Variants in DCST1 observed in about 807,000 individuals in gnomAD.
The protein encoded by DCST1 is E3 ubiquitin-protein ligase DCST1.
Under a neutral mutation model 89.1 loss-of-function variants are expected in DCST1, and 78 were observed. The ratio of observed to expected loss-of-function variants is 0.88; its 90% CI spans 0.73 to 1.06. DCST1 has a LOEUF of 1.06. Among genes scored for constraint, DCST1 ranks in the 50% least tolerant of loss-of-function variants. The pLI is 0.00. For missense variants in DCST1, 900 were observed against 928.6 expected (o/e 0.97, Z 0.40); for synonymous variants, 364 against 371.9 (o/e 0.98, Z 0.24).
At position 155,046,444 on chromosome 1, in the gene DCST1, G is replaced by A. The variant is rs775219783; in HGVS notation, c.1453G>A (p.Asp485Asn). ...GGACTGGGCTCTCTACTCCATCTTC[G>A]ACACCATCCGCCACCACTCCTTCCT... ...GLDWALYSIF[D>N]TIRHHSFLQY... The change falls in exon 13 of 17, where the codon GAC (aspartate) becomes AAC (asparagine). Residue 485 changes from aspartate (D) to asparagine (N), a missense_variant. Transcript: ENST00000295542. The A allele has an allele frequency of 9.3e-6, 15 of 1,613,732 alleles. No homozygotes were observed. Among genetic ancestry groups the A allele is most frequent in the Non-Finnish European group, 1.2e-5 (14 of 1,179,968 alleles).
At position 155,047,823 on chromosome 1, in the gene DCST1, C is replaced by T. The variant is rs1428829068; in HGVS notation, c.1649C>T (p.Ala550Val). The stretch of plus-strand genomic sequence containing the variant: ...CAGCCTGTGGGCCTGGATGCCAGGG[C>T]CTACTGGAGAGCTGCAGTACCGATT... ...LPQPVGLDAR[A>V]YWRAAVPIGL... The change falls in exon 15 of 17, where the codon GCC becomes GTC. Residue 550 changes from alanine to valine, a missense_variant. Transcript: ENST00000295542. 1 of 1,614,172 alleles carries T rather than the reference C, an allele frequency of 6.2e-7. No individual in the cohort carries two copies. Among genetic ancestry groups the T allele is most frequent in the Non-Finnish European group, 8.5e-7 (1 of 1,180,034 alleles).
In DCST1 at chr1:155,050,853, T is replaced by G. The variant is rs753135861; in HGVS notation, c.2106T>G (p.Thr702=). ...CCTTTAGTGACAGCAACGACGACAC[T>G]GCCTACGCGGGGTGAAGAGGCGTCC... The part of the protein sequence containing the change: ...SSAFSDSNDD[T]AYAG The change falls in exon 17 of 17, where the codon ACT becomes ACG. Residue 702 remains threonine, a synonymous_variant. Transcript: ENST00000295542. 5.6e-6 allele frequency: 9 copies of G among 1,610,532 alleles called. No homozygotes were observed. In the South Asian group the frequency reaches 8.8e-5, roughly 16 times the overall value.
Position 155,034,088 on chromosome 1 carries a change from C to A in DCST1, c.52C>A (p.Pro18Thr), listed in dbSNP as rs759896140. 6.2e-7 allele frequency: 1 copy of A among 1,614,092 alleles called. No individual in the cohort carries two copies. The highest frequency in any genetic ancestry group is 1.1e-5 in the South Asian group (1 of 91,086). The change falls in exon 2 of 17, where the codon CCT (proline) becomes ACT (threonine). Residue 18 changes from proline to threonine, a missense_variant. By Grantham distance (38) the Pro-to-Thr change is conservative. Transcript: ENST00000295542. ...NGTRGQRRKQ[P>T]HTTVQRLLTW... Reference sequence around the variant, plus strand: ...CACAAGAGGGCAAAGAAGAAAACAGCCTCATACCAGTGAGTCACTCAGCAG... The same window carrying A: ...CACAAGAGGGCAAAGAAGAAAACAGACTCATACCAGTGAGTCACTCAGCAG...
intron 8 of DCST1, among the ~76,000 whole-genome samples, 198 bp from the exon 9 acceptor site, chr1:155,042,537 A>C (rs1660467794): frequency 6.6e-6 from 1 of 152,210 alleles, no homozygotes; most frequent in Non-Finnish European, 1.5e-5. Flanking sequence ...GACAAAAATG[A>C]GGGAACTCAG....
chr1:155,049,177 G>T, intron 16 of DCST1: 2 of 666,798 alleles, frequency 3.0e-6, no homozygotes, highest in South Asian at 3.3e-5. Context: ...TTGAGCACAT[G>T]ACTTAACTGC....
At chr1:155,048,204 TGGCTG>T in intron 16 of DCST1, 34 bp downstream of exon 16, 1 of 1,585,346 alleles carries the variant, frequency 6.3e-7, no homozygotes, top group African/African-American at 1.3e-5. Context: ...TGCCAGCTCC[TGGCTG>T]GGTCTAAGTA....
chr1:155,034,345 C>T lies in DCST1; in HGVS notation c.62-90C>T, dbSNP rs540383210. The T allele has an allele frequency of 2.7e-5, 44 of 1,608,476 alleles. No homozygotes were observed. In the Admixed American group the frequency reaches 6.8e-4, roughly 25 times the overall value. On this transcript the variant is annotated intron_variant, in intron 2 of 16. Coordinates refer to ENST00000295542, the MANE Select transcript of DCST1 (RefSeq NM_152494.4). ...TACTGTTTCACATGCCAGGTTTCCCCAGCCTCTATCCACCTGCAAGCCCTG... is the reference window on the plus strand; with the variant it reads ...TACTGTTTCACATGCCAGGTTTCCCTAGCCTCTATCCACCTGCAAGCCCTG...
intron 16 of DCST1, chr1:155,049,208 C>T: frequency 1.6e-6 from 1 of 611,504 alleles, no homozygotes; most frequent in Non-Finnish European, 3.0e-6. Context: ...CTTTTGCCTT[C>T]CATAAAATGG....
At chr1:155,047,740 G>T (rs1455550149) in intron 14 of DCST1, 47 bp from the exon 15 acceptor site, 1 of 1,586,318 alleles carries the variant, frequency 6.3e-7, no homozygotes, top group South Asian at 1.1e-5. Context: ...GGGCTGCCCT[G>T]CCCCTTGGCT....
chr1:155,042,600 C>T, intron 8 of DCST1, 135 bp from the exon 9 acceptor site: 1 of 1,184,780 alleles, frequency 8.4e-7, no homozygotes, highest in Non-Finnish European at 1.2e-6. Flanking sequence ...GAAGACTCAG[C>T]ATTGGTGTGG....
At chr1:155,040,318 A>AC (rs1571561402) in intron 5 of DCST1, among the ~76,000 whole-genome samples, 167 bp from the exon 6 acceptor site, 1 of 151,978 alleles carries the variant, frequency 6.6e-6, no homozygotes, top group African/African-American at 2.4e-5. Context: ...AAAAAAAAAA[A>AC]AAACAGTGAA....
Position 155,041,520 on chromosome 1 carries a change from G to C in DCST1, c.655G>C (p.Ala219Pro). The change falls in exon 7 of 17, where the codon GCC becomes CCC. Residue 219 changes from alanine (A) to proline (P), a missense_variant. Transcript: ENST00000295542. ...PEDTMDSGET[A>P]QGREARQAPA... ...GGATACCATGGACTCAGGGGAGACAGCCCAGGGCAGGGAGGCCCGCCAAGC... is the reference window on the plus strand; with the variant it reads ...GGATACCATGGACTCAGGGGAGACACCCCAGGGCAGGGAGGCCCGCCAAGC... The C allele has an allele frequency of 2.5e-6, 4 of 1,614,026 alleles. No homozygotes were observed. In the South Asian group the frequency reaches 4.4e-5, roughly 18 times the overall value.
At chr1:155,038,192 C>T (rs1285265807) in intron 4 of DCST1, among the ~76,000 whole-genome samples, 1 of 152,224 alleles carries the variant, frequency 6.6e-6, no homozygotes, top group African/African-American at 2.4e-5. Context: ...GAGGAATGAG[C>T]TTGGCTTGTC....
At chr1:155,044,575 C>T (rs1278064952) in intron 10 of DCST1, among the ~76,000 whole-genome samples, 1 of 149,964 alleles carries the variant, frequency 6.7e-6, no homozygotes, top group South Asian at 2.1e-4. Context: ...TATGGATTGG[C>T]TTTTGAGACG....
chr1:155,046,548 C>T (rs1295843767), intron 13 of DCST1, 62 bp downstream of exon 13: 1 of 1,591,280 alleles, frequency 6.3e-7, no homozygotes. Flanking sequence ...ACTCCAATGC[C>T]TGCACAGCCA....
chr1:155,041,129 G>A (rs1186506972), intron 6 of DCST1, among the ~76,000 whole-genome samples: 4 of 152,162 alleles, frequency 2.6e-5, no homozygotes, highest in Admixed American at 2.6e-4. Flanking sequence ...GGAAGGGTCT[G>A]GGATGGGAGG....
rs747398096 is a variant in DCST1 at position 155,048,169 on chromosome 1, CG to C, written c.1869+1del. ...AGGCGGGAGCGACAGCAGAAGGCTC[CG>C]GTAAGTCCAGGCGTAAGTGCTGCTG... Reference protein sequence around the residue: ...ILRRERQQKAPRHPLADILHR... With the variant: ...ILRRERQQKAXRHPLADILHR... On this transcript the variant is annotated frameshift_variant and splice_region_variant, in exon 16 of 17. Transcript: ENST00000295542. LOFTEE classifies it high-confidence loss of function. 3.1e-6 allele frequency: 5 copies of C among 1,613,470 alleles called. No homozygotes were observed. The highest frequency in any genetic ancestry group is 3.4e-6 in the Non-Finnish European group (4 of 1,179,768).
intron 10 of DCST1, among the ~76,000 whole-genome samples, chr1:155,043,912 T>C (rs897474145): frequency 6.6e-6 from 1 of 152,224 alleles, no homozygotes; most frequent in Non-Finnish European, 1.5e-5. Flanking sequence ...TCCCTCCATT[T>C]AGAACAAAGT....
rs1660406678 is a variant in DCST1, at chr1:155,040,481, C to T, written c.392-4C>T. Reference sequence around the variant, plus strand: ...AGGTGACCAACCAGGGCCTCTTTCTCCAGGGCCAGTAGCCAATCTGCGACA... The same window carrying T: ...AGGTGACCAACCAGGGCCTCTTTCTTCAGGGCCAGTAGCCAATCTGCGACA... On this transcript the variant is annotated splice_region_variant and splice_polypyrimidine_tract_variant and intron_variant, in intron 5 of 16. Coordinates refer to ENST00000295542, the MANE Select transcript of DCST1 (RefSeq NM_152494.4). 1 of 1,597,796 alleles carries T rather than the reference C, an allele frequency of 6.3e-7. No individual in the cohort carries two copies. The highest frequency in any genetic ancestry group is 8.5e-7 in the Non-Finnish European group (1 of 1,171,536).
Sources: allele counts gnomAD v4.1 joint callset (sites outside exome capture counted in the v4.1 genomes callset), GRCh38; gene constraint gnomAD v4.1.1; transcripts MANE v1.5; gene names NCBI Gene and HGNC (gene_info 2026-07-23, HGNC 2026-07-21).